Variants in NEDD4L observed in about 807,000 individuals in gnomAD.
The protein encoded by NEDD4L is E3 ubiquitin-protein ligase NEDD4-like.
In NEDD4L, 54 loss-of-function variants were observed where a neutral mutation model predicts 148.9. The ratio of observed to expected loss-of-function variants is 0.36; its 90% CI spans 0.29 to 0.45. The LOEUF (loss-of-function observed/expected upper bound fraction) is 0.45. Ranked by LOEUF, NEDD4L falls within the 20% of genes least tolerant of loss-of-function variation. The probability of loss-of-function intolerance (pLI) is 1.00; values close to 1 mark genes in which losing one functional copy is unlikely to be tolerated. For synonymous variants in NEDD4L, 433 were observed against 440.7 expected, an observed-to-expected ratio of 0.98 and a Z score of 0.22; for missense variants, 856 against 1,233.8, an observed-to-expected ratio of 0.69 and a Z score of 4.59.
chr18:58,342,912 A>G lies in NEDD4L; in HGVS notation c.1384A>G (p.Lys462Glu). 6.2e-7 allele frequency: 1 copy of G among 1,606,220 alleles called. No homozygotes were observed. The highest frequency in any genetic ancestry group is 8.5e-7 in the Non-Finnish European group (1 of 1,176,112). Residue 462 changes from lysine (K) to glutamate (E), a missense_variant, in exon 16 of 31, where the codon AAG becomes GAG. By Grantham distance (56) the Lys-to-Glu change is moderately conservative (BLOSUM62 1). Around this residue, in one of 4 missense-constraint regions of NEDD4L, gnomAD observed 367 missense variants for 422.7 expected, o/e 0.87. Coordinates refer to ENST00000400345, the MANE Select transcript of NEDD4L (RefSeq NM_001144967.3). Reference sequence around the variant, plus strand: ...CCTCATTGTTATTCTTTAGGGTGCCAAGGACTCACCCGTACGTCGGGCTGT... The same window carrying G: ...CCTCATTGTTATTCTTTAGGGTGCCGAGGACTCACCCGTACGTCGGGCTGT... ...VTLSAPLEGA[K>E]DSPVRRAVKD...
At chr18:58,327,705 G>C (rs575270319) in intron 9 of NEDD4L, among the ~76,000 whole-genome samples, 35 of 152,316 alleles carry the variant, frequency 2.3e-4, no homozygotes, top group Non-Finnish European at 4.4e-4. Context: ...TTTAGAAAGA[G>C]TCTATAATGA....
chr18:58,249,130 A>T (rs1333876574), intron 4 of NEDD4L, among the ~76,000 whole-genome samples, 193 bp downstream of exon 4: 1 of 152,190 alleles, frequency 6.6e-6, no homozygotes, highest in Non-Finnish European at 1.5e-5. Context: ...GACTTGTTTC[A>T]TTGGGGAGTG....
intron 5 of NEDD4L, among the ~76,000 whole-genome samples, chr18:58,304,557 C>G (rs2056857322): frequency 6.6e-6 from 1 of 152,106 alleles, no homozygotes; most frequent in Non-Finnish European, 1.5e-5. Flanking sequence ...CTAATTTTCC[C>G]ATGTAATATC....
intron 5 of NEDD4L, among the ~76,000 whole-genome samples, chr18:58,263,660 C>CTTTTTTTTTTTTTTTTTTTTTT (rs71173041): frequency 2.9e-5 from 3 of 103,724 alleles, no homozygotes; most frequent in Non-Finnish European, 3.8e-5. Context: ...ACTTCTTAGG[C>CTTTTTTTTTTTTTTTTTTTTTT]TTTTTTTTTT....
chr18:58,273,083 CA>C (rs1247165024), intron 5 of NEDD4L, among the ~76,000 whole-genome samples: 1 of 152,158 alleles, frequency 6.6e-6, no homozygotes, highest in Non-Finnish European at 1.5e-5. Flanking sequence ...GCCGTTCGCC[CA>C]AAGGTCCTGC....
chr18:58,255,423 C>CA, intron 5 of NEDD4L: 1 of 1,009,566 alleles, frequency 9.9e-7, no homozygotes, highest in Non-Finnish European at 1.3e-6. Context: ...CCCTCTGTCA[C>CA]AGTGTGGATG....
chr18:58,264,724 T>C (rs1235355807), intron 5 of NEDD4L, among the ~76,000 whole-genome samples: 2 of 152,108 alleles, frequency 1.3e-5, no homozygotes, highest in African/African-American at 4.8e-5. Context: ...TAACTTCTTA[T>C]TAACTGTCGT....
intron 16 of NEDD4L, 65 bp downstream of exon 16, chr18:58,343,168 C>A: frequency 6.9e-7 from 1 of 1,443,070 alleles, no homozygotes; most frequent in South Asian, 1.4e-5. Flanking sequence ...TCCTTGATTT[C>A]CTTAGTGTTT....
At chr18:58,379,171 A>G (rs761224605) in intron 24 of NEDD4L, among the ~76,000 whole-genome samples, 2 of 152,168 alleles carry the variant, frequency 1.3e-5, no homozygotes, top group Non-Finnish European at 2.9e-5. Context: ...GGCTCTGCAG[A>G]CTGCTCACCA....
intron 1 of NEDD4L, among the ~76,000 whole-genome samples, chr18:58,153,334 CTTTTTTTTTTT>C (rs58164854): frequency 7.8e-6 from 1 of 128,160 alleles, no homozygotes; most frequent in Admixed American, 8.0e-5. Context: ...AAGAGATTGA[CTTTTTTTTTTT>C]TTTTTTTTTT....
intron 2 of NEDD4L, among the ~76,000 whole-genome samples, chr18:58,229,745 A>G (rs1301184385): frequency 6.6e-6 from 1 of 152,090 alleles, no homozygotes; most frequent in Non-Finnish European, 1.5e-5. Context: ...TAAGCCCAAC[A>G]CTTTGGGAGG....
At chr18:58,221,048 T>C (rs930875827) in intron 2 of NEDD4L, among the ~76,000 whole-genome samples, 1 of 152,202 alleles carries the variant, frequency 6.6e-6, no homozygotes. Flanking sequence ...TTGATTCTTT[T>C]GGGGGCTGTA....
chr18:58,236,271 C>T (rs1248436710), intron 2 of NEDD4L, among the ~76,000 whole-genome samples: 5 of 151,608 alleles, frequency 3.3e-5, no homozygotes, highest in Non-Finnish European at 5.9e-5. Flanking sequence ...GTGGGAGGAT[C>T]GCTTGAGCCC....
intron 5 of NEDD4L, among the ~76,000 whole-genome samples, chr18:58,263,055 T>C (rs1036570482): frequency 6.6e-6 from 1 of 152,164 alleles, no homozygotes; most frequent in Non-Finnish European, 1.5e-5. Flanking sequence ...GGTCATGAAA[T>C]CAAATAAAAG....
intron 1 of NEDD4L, among the ~76,000 whole-genome samples, chr18:58,151,606 G>A (rs1424580808): frequency 8.6e-6 from 1 of 115,642 alleles, no homozygotes; most frequent in Non-Finnish European, 1.9e-5. Context: ...TTGTGAAGAT[G>A]AGGTAGCTGT....
At chr18:58,203,367 G>A (rs1400610607) in intron 2 of NEDD4L, among the ~76,000 whole-genome samples, 1 of 152,184 alleles carries the variant, frequency 6.6e-6, no homozygotes, top group Non-Finnish European at 1.5e-5. Context: ...TACAAGTAGT[G>A]AAACCACTGT....
At chr18:58,246,890 C>G (rs373299605) in intron 3 of NEDD4L, among the ~76,000 whole-genome samples, 5 of 152,058 alleles carry the variant, frequency 3.3e-5, no homozygotes, top group African/African-American at 1.2e-4. Context: ...ATTAAAAATA[C>G]TTGGCTGCAT....
At chr18:58,075,453 A>G (rs1056293524) in intron 1 of NEDD4L, among the ~76,000 whole-genome samples, 2 of 152,036 alleles carry the variant, frequency 1.3e-5, no homozygotes, top group Non-Finnish European at 2.9e-5. Context: ...ATCCAGCCTT[A>G]GTTTGTTTCT....
chr18:58,242,225 C>G (rs746272242), intron 2 of NEDD4L, among the ~76,000 whole-genome samples: 2 of 152,202 alleles, frequency 1.3e-5, no homozygotes, highest in Non-Finnish European at 2.9e-5. Context: ...AACAGAGAAC[C>G]TCACACGTCT....
Sources: allele counts gnomAD v4.1 joint callset (sites outside exome capture counted in the v4.1 genomes callset), GRCh38; gene constraint gnomAD v4.1.1; regional missense constraint gnomAD v4.1.1; transcripts MANE v1.5; gene names NCBI Gene and HGNC (gene_info 2026-07-23, HGNC 2026-07-21).